Variants in CTR9 observed in about 807,000 individuals in gnomAD.
The protein encoded by CTR9 is CTR9 component of Paf1/RNA polymerase II complex.
Under a neutral mutation model 152.1 loss-of-function variants are expected in CTR9, and 41 were observed. The observed-to-expected ratio is 0.27, with a 90% CI of 0.21 to 0.35. The LOEUF (loss-of-function observed/expected upper bound fraction) is 0.35. Among genes scored for constraint, CTR9 ranks in the 10% least tolerant of loss-of-function variants. The pLI is 1.00. For missense variants in CTR9, 917 were observed against 1,424.4 expected, an observed-to-expected ratio of 0.64 and a Z score of 5.73; for synonymous variants, 476 against 496.2, an observed-to-expected ratio of 0.96 and a Z score of 0.54.
chr11:10,760,368 C>T (rs1276896812), intron 6 of CTR9, 47 bp downstream of exon 6: 5 of 1,551,194 alleles, frequency 3.2e-6, no homozygotes, highest in Non-Finnish European at 4.4e-6. Context: ...TTTGTCAGGC[C>T]CACAGCCTCT....
At position 10,775,240 on chromosome 11, in the gene CTR9, T is replaced by C. The variant is rs1863213168; in HGVS notation, c.2919T>C (p.Asp973=). 6.2e-7 allele frequency: 1 copy of C among 1,613,902 alleles called. No homozygotes were observed. Among genetic ancestry groups the C allele is most frequent in the African/African-American group, 1.3e-5 (1 of 74,896 alleles). ...AGGGAGAAGAAGGATCTGATGATGATGAAACAGAAAATGGCCCCAAACCAA... is the reference window on the plus strand; with the variant it reads ...AGGGAGAAGAAGGATCTGATGATGACGAAACAGAAAATGGCCCCAAACCAA... ...HPKGEEGSDD[D]ETENGPKPKK... Residue 973 remains aspartate, a synonymous_variant, in exon 23 of 25, where the codon GAT becomes GAC. Transcript: ENST00000361367.
rs1319757758 is a variant in CTR9, at chr11:10,760,161, T to G, written c.593-12T>G. 6.2e-7 allele frequency: 1 copy of G among 1,612,280 alleles called. No homozygotes were observed. ...GCCCTAGTTTGATAGATTGAATGAC[T>G]TCATTTTATAGCGGAAGTTCGTTTA... On this transcript the variant is annotated splice_polypyrimidine_tract_variant and intron_variant, in intron 5 of 24. Coordinates refer to ENST00000361367, the MANE Select transcript of CTR9 (RefSeq NM_014633.5).
At chr11:10,763,591 G>A (rs773724262) in intron 8 of CTR9, 52 bp from the exon 9 acceptor site, 152 of 1,567,200 alleles carry the variant, frequency 9.7e-5, no homozygotes, top group Admixed American at 2.0e-4. Flanking sequence ...AGTGTTTTAA[G>A]TCTTTCCAAT....
intron 7 of CTR9, among the ~76,000 whole-genome samples, chr11:10,763,230 A>G (rs1243060682): frequency 6.8e-6 from 1 of 146,286 alleles, no homozygotes; most frequent in African/African-American, 2.5e-5. Flanking sequence ...ACAGTGCTTT[A>G]CTCTTTCTGG....
At chr11:10,759,411 A>G (rs764638452) in intron 5 of CTR9, among the ~76,000 whole-genome samples, 4 of 152,244 alleles carry the variant, frequency 2.6e-5, no homozygotes, top group Non-Finnish European at 5.9e-5. Flanking sequence ...TGACCTTGAT[A>G]AAAGCAGTTT....
intron 20 of CTR9, 72 bp from the exon 21 acceptor site, chr11:10,773,055 G>T (rs1264513038): frequency 3.9e-6 from 6 of 1,528,756 alleles, no homozygotes; most frequent in Non-Finnish European, 4.4e-6. Flanking sequence ...CTCTGCTTAG[G>T]ATGGTAGCCA....
chr11:10,753,169 G>A lies in CTR9; in HGVS notation c.144+399G>A, dbSNP rs1390577. ...TTAAAATATTCTAGAATGTGATTAGGTTCTGGGAAAATCACTTCACCCAAA... is the reference window on the plus strand; with the variant it reads ...TTAAAATATTCTAGAATGTGATTAGATTCTGGGAAAATCACTTCACCCAAA... On this transcript the variant is annotated intron_variant, in intron 2 of 24. Transcript: ENST00000361367. 2.7e-3 allele frequency among the ~76,000 whole-genome samples: 407 copies of A among 152,228 alleles called. 2 individuals are homozygous for A. Among genetic ancestry groups the A allele is most frequent in the African/African-American group, 9.5e-3 (396 of 41,542 alleles).
intron 12 of CTR9, among the ~76,000 whole-genome samples, chr11:10,765,392 T>C (rs903935706): frequency 6.6e-6 from 1 of 152,170 alleles, no homozygotes; most frequent in South Asian, 2.1e-4. Flanking sequence ...TGTTTGTTTT[T>C]GTACTTTCTT....
At chr11:10,768,319 G>T (rs760812498) in intron 15 of CTR9, 24 bp from the exon 16 acceptor site, 1 of 1,604,586 alleles carries the variant, frequency 6.2e-7, no homozygotes, top group South Asian at 1.1e-5. Flanking sequence ...AAATTGTTAA[G>T]TGTGAACCTT....
chr11:10,778,998 G>A lies in CTR9; in HGVS notation c.3415G>A (p.Asp1139Asn). The A allele has an allele frequency of 6.2e-7, 1 of 1,614,182 alleles. No individual in the cohort carries two copies. The highest frequency in any genetic ancestry group is 8.5e-7 in the Non-Finnish European group (1 of 1,180,050). Reference protein sequence around the residue: ...ESDHESERGSDNEGSGQGSGN... With the variant: ...ESDHESERGSNNEGSGQGSGN... Reference sequence around the variant, plus strand: ...AGATCACGAATCGGAGAGAGGATCTGATAATGAGGGTTCTGGCCAAGGCTC... The same window carrying A: ...AGATCACGAATCGGAGAGAGGATCTAATAATGAGGGTTCTGGCCAAGGCTC... Residue 1139 changes from aspartate to asparagine, a missense_variant, in exon 25 of 25, where the codon GAT becomes AAT. Physicochemically the swap from Asp to Asn is conservative, Grantham distance 23. Around this residue, in one of 9 missense-constraint regions of CTR9, gnomAD observed 384 missense variants for 398.4 expected, o/e 0.96. Transcript: ENST00000361367.
At chr11:10,751,521 G>A (rs1862801510) in intron 1 of CTR9, 64 bp downstream of exon 1, 2 of 1,511,110 alleles carry the variant, frequency 1.3e-6, no homozygotes, top group Admixed American at 1.7e-5. Flanking sequence ...CACCGACTTC[G>A]CTCGACTTCG....
At chr11:10,778,598 G>A (rs1236537218) in intron 24 of CTR9, 81 bp from the exon 25 acceptor site, 2 of 1,338,448 alleles carry the variant, frequency 1.5e-6, no homozygotes, top group African/African-American at 1.5e-5. Context: ...ATGCCCTTCT[G>A]TTTTAAAAGC....
At chr11:10,764,028 T>C (rs1259472507) in intron 9 of CTR9, 84 bp from the exon 10 acceptor site, 15 of 1,415,778 alleles carry the variant, frequency 1.1e-5, no homozygotes, top group Admixed American at 7.2e-5. Flanking sequence ...AATGGATTTA[T>C]TAAACAGACT....
chr11:10,761,860 CTT>C (rs1380980727), intron 6 of CTR9, 85 bp from the exon 7 acceptor site: 3 of 774,890 alleles, frequency 3.9e-6, no homozygotes, highest in Non-Finnish European at 6.2e-6. Context: ...GGATTTATAA[CTT>C]ATTTCTTGTG....
Position 10,751,333 on chromosome 11 carries a change from C to T in CTR9, c.-80C>T. On this transcript the variant is annotated 5_prime_UTR_variant, in exon 1 of 25. Transcript: ENST00000361367. The stretch of plus-strand genomic sequence containing the variant: ...CAAGACCAGAGCCGGAGCCGTCACT[C>T]ACCTCTGGATTAGCCTGAAGCGGAG... 4 of 1,479,856 alleles carry T rather than the reference C, an allele frequency of 2.7e-6. No homozygotes were observed. The highest frequency in any genetic ancestry group is 2.3e-5 in the South Asian group (2 of 88,188). 91.7% of individuals were successfully genotyped at this position (1,479,856 alleles called of 1,614,324 possible). A position where few individuals can be genotyped will look rare whatever the true frequency, so the allele number is the denominator to read the frequency against.
chr11:10,751,276 C>A lies in CTR9; in HGVS notation c.-137C>A. 2.3e-6 allele frequency: 2 copies of A among 882,394 alleles called. No individual in the cohort carries two copies. The highest frequency in any genetic ancestry group is 2.1e-5 in the Admixed American group (1 of 47,160). 54.7% of individuals were successfully genotyped at this position (882,394 alleles called of 1,614,324 possible). The stretch of plus-strand genomic sequence containing the variant: ...TTAAGCGGCTGACGGGAAGGAGAAG[C>A]CAGAGCTCCAGCGGCGCCGCGGGGC... On this transcript the variant is annotated 5_prime_UTR_variant, in exon 1 of 25. Transcript: ENST00000361367.
intron 2 of CTR9, 93 bp from the exon 3 acceptor site, chr11:10,754,865 G>T: frequency 2.3e-6 from 3 of 1,316,356 alleles, no homozygotes; most frequent in Non-Finnish European, 2.1e-6. Context: ...CCAGTTTTTT[G>T]TTATTACAAA....
chr11:10,757,688 G>A (rs1406346786), intron 5 of CTR9, among the ~76,000 whole-genome samples: 1 of 152,192 alleles, frequency 6.6e-6, no homozygotes, highest in Non-Finnish European at 1.5e-5. Flanking sequence ...TACCAACTAT[G>A]TGGCAGGCAG....
Position 10,763,804 on chromosome 11 carries a change from TAATTACGAAA to T in CTR9, c.1120_1129del (p.Asn374LeufsTer2). On this transcript the variant is annotated frameshift_variant, in exon 9 of 25. Coordinates refer to ENST00000361367, the MANE Select transcript of CTR9 (RefSeq NM_014633.5). LOFTEE classifies it high-confidence loss of function. ...AGAAGGTTTTGAAAGCTTATCCTAA[TAATTACGAAA>T]CTATGAAAATTCTCGGCTCTCTCTA... The T allele has an allele frequency of 6.2e-7, 1 of 1,613,938 alleles. No individual in the cohort carries two copies. The highest frequency in any genetic ancestry group is 8.5e-7 in the Non-Finnish European group (1 of 1,179,982).
Sources: gnomAD v4.1 joint callset for allele counts (sites outside exome capture counted in the v4.1 genomes callset) on GRCh38, gnomAD v4.1.1 for gene constraint, gnomAD v4.1.1 regional missense constraint, MANE v1.5 for transcripts, NCBI Gene and HGNC (gene_info 2026-07-23, HGNC 2026-07-21) for gene names.